OGDH: variants seen among roughly 807,000 people sequenced by gnomAD.
OGDH encodes the protein oxoglutarate dehydrogenase.
Under a neutral mutation model 116.6 loss-of-function variants are expected in OGDH, and 38 were observed. That is an observed-to-expected ratio of 0.33 (90% CI 0.25 to 0.43). The LOEUF is 0.43. OGDH is among the 20% of genes least tolerant of loss of function. The pLI, the probability that OGDH is intolerant of heterozygous loss-of-function variation, is 1.00. For synonymous variants in OGDH, 488 were observed against 533.3 expected (o/e 0.92, Z 1.17); for missense variants, 825 against 1,357.2 (o/e 0.61, Z 6.16).
intron 20 of OGDH, among the ~76,000 whole-genome samples, chr7:44,703,029 A>C (rs1295497086): frequency 1.3e-5 from 2 of 152,162 alleles, no homozygotes; most frequent in Non-Finnish European, 2.9e-5. Context: ...GAAATCATAC[A>C]GTCTTTGTCC....
In OGDH at chr7:44,696,544, T is replaced by C. The variant is rs577924403; in HGVS notation, c.1887T>C (p.Phe629=). 4 of 1,614,234 alleles carry C rather than the reference T, an allele frequency of 2.5e-6. No homozygotes were observed. The highest frequency in any genetic ancestry group is 2.5e-6 in the Non-Finnish European group (3 of 1,180,046). Reference sequence around the variant, plus strand: ...CTAGTTCTGTGCCTGTGGAAAACTTTACTATTCATGGAGGTAACACGCTCT... The same window carrying C: ...CTAGTTCTGTGCCTGTGGAAAACTTCACTATTCATGGAGGTAACACGCTCT... ...NVASSVPVEN[F]TIHGGLSRIL... Residue 629 remains phenylalanine (F), a synonymous_variant, in exon 14 of 23, where the codon TTT becomes TTC. Transcript: ENST00000222673.
intron 10 of OGDH, among the ~76,000 whole-genome samples, chr7:44,693,264 CGCCAT>C (rs1356687181): frequency 1.3e-5 from 2 of 151,448 alleles, no homozygotes. Context: ...GCTGAGATCA[CGCCAT>C]TGCACTCTGC....
intron 3 of OGDH, among the ~76,000 whole-genome samples, chr7:44,646,647 CCCTT>C (rs1392543792): frequency 6.6e-6 from 1 of 152,218 alleles, no homozygotes; most frequent in African/African-American, 2.4e-5. Context: ...AGCAGCTGCT[CCCTT>C]CTCAAATTGC....
At chr7:44,633,650 C>G (rs1785542491) in intron 2 of OGDH, among the ~76,000 whole-genome samples, 1 of 152,154 alleles carries the variant, frequency 6.6e-6, no homozygotes, top group South Asian at 2.1e-4. Context: ...GCCTTTAGAA[C>G]CCTCTCTTTG....
At chr7:44,680,274 C>T (rs572831283) in intron 9 of OGDH, among the ~76,000 whole-genome samples, 1 of 152,284 alleles carries the variant, frequency 6.6e-6, no homozygotes, top group African/African-American at 2.4e-5. Flanking sequence ...TCTTCCTCTT[C>T]ACCCTCTCAG....
At position 44,701,011 on chromosome 7, in the gene OGDH, G is replaced by A. The variant is rs150289385; in HGVS notation, c.2560-532G>A. The stretch of plus-strand genomic sequence containing the variant: ...TGCACTCCAGCCTGGGCAACAGAGC[G>A]AGACTCCGTCTCAAAAAACAAAAAA... On this transcript the variant is annotated intron_variant, in intron 19 of 22. Coordinates refer to ENST00000222673, the MANE Select transcript of OGDH (RefSeq NM_002541.4). Among the ~76,000 whole-genome samples the A allele has an allele frequency of 9.5e-3, 1,453 of 152,264 alleles. 26 individuals are homozygous for A. Among genetic ancestry groups the A allele is most frequent in the African/African-American group, 0.031 (1,308 of 41,530 alleles).
At chr7:44,658,287 G>T (rs1001986523) in intron 4 of OGDH, among the ~76,000 whole-genome samples, 2 of 151,804 alleles carry the variant, frequency 1.3e-5, no homozygotes, top group African/African-American at 4.8e-5. Context: ...TCAGCTTTTT[G>T]TAGTTTTCAG....
chr7:44,706,097 C>G (rs149425208), intron 20 of OGDH, among the ~76,000 whole-genome samples: 26 of 152,270 alleles, frequency 1.7e-4, no homozygotes, highest in African/African-American at 5.1e-4. Flanking sequence ...GTGTGCACCA[C>G]CGTGCCTGGC....
At chr7:44,653,863 A>AT (rs879844384) in intron 4 of OGDH, among the ~76,000 whole-genome samples, 93 of 141,032 alleles carry the variant, frequency 6.6e-4, no homozygotes, top group African/African-American at 1.2e-3. Flanking sequence ...ATTTTATTTT[A>AT]TTTTTTTTTG....
chr7:44,641,674 T>A (rs1193674242), intron 2 of OGDH, among the ~76,000 whole-genome samples: 1 of 152,164 alleles, frequency 6.6e-6, no homozygotes, highest in Non-Finnish European at 1.5e-5. Flanking sequence ...GAGGCCTGGG[T>A]AGAGGCCAAG....
intron 1 of OGDH, among the ~76,000 whole-genome samples, chr7:44,616,095 C>T (rs1298643968): frequency 6.6e-6 from 1 of 151,736 alleles, no homozygotes; most frequent in Admixed American, 6.6e-5. Flanking sequence ...AGTCTGCTTC[C>T]TTCTCTCCAC....
chr7:44,615,256 C>T (rs1198483578), intron 1 of OGDH, among the ~76,000 whole-genome samples: 2 of 152,172 alleles, frequency 1.3e-5, no homozygotes. Flanking sequence ...TCTGCTGGGG[C>T]AGGGAGGGGC....
chr7:44,660,937 C>T (rs574621511), intron 4 of OGDH, among the ~76,000 whole-genome samples: 6 of 150,642 alleles, frequency 4.0e-5, no homozygotes, highest in South Asian at 4.2e-4. Flanking sequence ...CACACACGCG[C>T]GTGTGCACAC....
Position 44,701,633 on chromosome 7 carries a change from G to A in OGDH, c.2632+18G>A. ...GCTTCCAGGTGGGTGTGAGGGAGAT[G>A]GGCATTTCCTTGGGGGAAGCTATGT... is the stretch of plus-strand genomic sequence containing the variant. On this transcript the variant is annotated intron_variant, in intron 20 of 22. Transcript: ENST00000222673. 1 of 1,612,120 alleles carries A rather than the reference G, an allele frequency of 6.2e-7. No homozygotes were observed. The highest frequency in any genetic ancestry group is 8.5e-7 in the Non-Finnish European group (1 of 1,178,206).
intron 10 of OGDH, among the ~76,000 whole-genome samples, chr7:44,690,156 A>G (rs957608440): frequency 6.6e-6 from 1 of 152,234 alleles, no homozygotes; most frequent in African/African-American, 2.4e-5. Context: ...GGTGGCTACA[A>G]TTACCCAAGA....
intron 2 of OGDH, among the ~76,000 whole-genome samples, chr7:44,629,817 T>A (rs1585244914): frequency 6.6e-6 from 1 of 152,170 alleles, no homozygotes; most frequent in Non-Finnish European, 1.5e-5. Flanking sequence ...CGACCTCAGG[T>A]GATCCGACCG....
At chr7:44,699,777 G>A (rs946551419) in intron 18 of OGDH, among the ~76,000 whole-genome samples, 19 of 152,180 alleles carry the variant, frequency 1.2e-4, no homozygotes, top group African/African-American at 4.3e-4. Context: ...GCATGATGCT[G>A]GCATCTGCTC....
At chr7:44,618,380 T>C (rs542691437) in intron 1 of OGDH, among the ~76,000 whole-genome samples, 76 of 152,286 alleles carry the variant, frequency 5.0e-4, no homozygotes, top group Non-Finnish European at 9.0e-4. Context: ...AAGAAAGCCC[T>C]ATGTCCATTG....
At chr7:44,611,461 G>A (rs1289822998) in intron 1 of OGDH, among the ~76,000 whole-genome samples, 1 of 151,452 alleles carries the variant, frequency 6.6e-6, no homozygotes, top group Non-Finnish European at 1.5e-5. Flanking sequence ...TTTTTTAGTA[G>A]AGACGGGGTT....
Sources: allele counts gnomAD v4.1 joint callset (sites outside exome capture counted in the v4.1 genomes callset), GRCh38; gene constraint gnomAD v4.1.1; transcripts MANE v1.5; gene names NCBI Gene and HGNC (gene_info 2026-07-23, HGNC 2026-07-21).